NAV2: variants seen among roughly 807,000 people sequenced by gnomAD.
NAV2 encodes helicase, APC down-regulated 1.
A neutral mutation model predicts 223.2 loss-of-function variants in NAV2; 54 were observed. The ratio of observed to expected loss-of-function variants is 0.24; its 90% CI spans 0.19 to 0.30. The LOEUF is 0.30. NAV2 is among the 10% of genes least tolerant of loss of function. The pLI is 1.00. For synonymous variants in NAV2, 1,279 were observed against 1,239.3 expected (o/e 1.03, Z -0.67); for missense variants, 2,806 against 3,147.5 (o/e 0.89, Z 2.60).
At chr11:19,865,693 G>T (rs1426779238) in intron 3 of NAV2, among the ~76,000 whole-genome samples, 2 of 152,238 alleles carry the variant, frequency 1.3e-5, no homozygotes, top group African/African-American at 2.4e-5. Flanking sequence ...ACTTACGAAT[G>T]ATCTTTTAAA....
At chr11:19,410,825 C>T (rs1156658902) in intron 1 of NAV2, among the ~76,000 whole-genome samples, 2 of 152,182 alleles carry the variant, frequency 1.3e-5, no homozygotes, top group African/African-American at 2.4e-5. Flanking sequence ...ATTCTCAAGG[C>T]TCAGCTTGGG....
intron 1 of NAV2, among the ~76,000 whole-genome samples, chr11:19,683,464 T>C (rs1429466902): frequency 6.6e-6 from 1 of 152,230 alleles, no homozygotes; most frequent in Non-Finnish European, 1.5e-5. Flanking sequence ...GATAAAAACA[T>C]ATTGTACTGA....
chr11:20,079,299 C>T (rs10833238), intron 24 of NAV2, among the ~76,000 whole-genome samples: 131,111 of 152,184 alleles, frequency 0.86, 56,582 homozygotes, highest in East Asian at 0.95. Flanking sequence ...CTTTGGCTTC[C>T]TAAAGTGCTG....
chr11:19,446,417 A>C (rs1851584128), intron 1 of NAV2, among the ~76,000 whole-genome samples: 1 of 152,060 alleles, frequency 6.6e-6, no homozygotes, highest in Non-Finnish European at 1.5e-5. Context: ...ACATTAACCA[A>C]GGCTCAGCCG....
At chr11:19,935,851 G>GTTTTTTTTTTTTGTTTTTTTTTTTTT (rs1555156775) in intron 7 of NAV2, among the ~76,000 whole-genome samples, 2 of 52,702 alleles carry the variant, frequency 3.8e-5, no homozygotes, top group Non-Finnish European at 6.8e-5. Flanking sequence ...TTTTGTTTCT[G>GTTTTTTTTTTTTGTTTTTTTTTTTTT]TTTTTTTTTT....
chr11:19,661,106 C>T (rs2048269312), intron 1 of NAV2, among the ~76,000 whole-genome samples: 1 of 152,140 alleles, frequency 6.6e-6, no homozygotes, highest in Non-Finnish European at 1.5e-5. Context: ...TACCCTGTCG[C>T]CCCAGCTCCC....
chr11:19,875,391 T>G (rs2062775787), intron 4 of NAV2, among the ~76,000 whole-genome samples: 1 of 152,182 alleles, frequency 6.6e-6, no homozygotes, highest in South Asian at 2.1e-4. Context: ...GTGTTGAATA[T>G]TATATGTAAT....
intron 1 of NAV2, among the ~76,000 whole-genome samples, chr11:19,451,040 A>G (rs754443): frequency 0.28 from 42,117 of 151,990 alleles, 6,092 homozygotes; most frequent in East Asian, 0.53. Flanking sequence ...ATCACCACCC[A>G]GTAGGGACTT....
chr11:20,010,082 C>T (rs2053441083), intron 11 of NAV2, among the ~76,000 whole-genome samples: 1 of 152,168 alleles, frequency 6.6e-6, no homozygotes, highest in Admixed American at 6.5e-5. Context: ...GAGGAAACTG[C>T]TCAGACAGGT....
chr11:19,368,182 A>G (rs1296939024), intron 1 of NAV2, among the ~76,000 whole-genome samples: 1 of 152,154 alleles, frequency 6.6e-6, no homozygotes, highest in Non-Finnish European at 1.5e-5. Flanking sequence ...CTTCATATTC[A>G]TGCACCCTCA....
chr11:19,870,834 G>A (rs1348096857), intron 4 of NAV2, among the ~76,000 whole-genome samples: 5 of 152,168 alleles, frequency 3.3e-5, no homozygotes, highest in East Asian at 3.8e-4. Flanking sequence ...CCAGTTCTGT[G>A]TGATTTCAGA....
chr11:19,707,352 C>T (rs1433189407), intron 1 of NAV2, among the ~76,000 whole-genome samples: 2 of 152,154 alleles, frequency 1.3e-5, no homozygotes, highest in African/African-American at 4.8e-5. Flanking sequence ...TACAGCTATA[C>T]AAAAATATTT....
chr11:19,583,660 GT>G (rs2045796098), intron 1 of NAV2, among the ~76,000 whole-genome samples: 1 of 152,190 alleles, frequency 6.6e-6, no homozygotes, highest in Admixed American at 6.5e-5. Flanking sequence ...CGTTGGTTCT[GT>G]TTATATGCTG....
At position 19,956,381 on chromosome 11, in the gene NAV2, C is replaced by CACACACACACACAT. The variant is rs1555168361; in HGVS notation, c.2645+7314_2645+7315insTACACACACACACA. On this transcript the variant is annotated intron_variant, in intron 10 of 37. Transcript: ENST00000349880. ...CGACACACATACACACACACACACACACACACACACACACGCTCTCTCTCT... is the reference window on the plus strand; with the variant it reads ...CGACACACATACACACACACACACACACACACACACACATACACACACACACACGCTCTCTCTCT... Among the ~76,000 whole-genome samples, 961 of 148,458 alleles carry CACACACACACACAT rather than the reference C, an allele frequency of 6.5e-3. 10 individuals carry two copies. The highest frequency in any genetic ancestry group is 0.021 in the South Asian group (98 of 4,620).
intron 1 of NAV2, among the ~76,000 whole-genome samples, chr11:19,700,382 C>T (rs1328934260): frequency 6.6e-6 from 1 of 152,194 alleles, no homozygotes; most frequent in Non-Finnish European, 1.5e-5. Context: ...AACCAGTAAG[C>T]TCCACTGCCT....
chr11:20,091,491 C>T (rs2060848363), intron 27 of NAV2, among the ~76,000 whole-genome samples: 1 of 152,216 alleles, frequency 6.6e-6, no homozygotes, highest in Non-Finnish European at 1.5e-5. Flanking sequence ...GGCCTGATTC[C>T]TTTCCAAGTC....
intron 1 of NAV2, among the ~76,000 whole-genome samples, chr11:19,448,797 C>T (rs1207841073): frequency 1.3e-5 from 2 of 152,136 alleles, no homozygotes; most frequent in Admixed American, 1.3e-4. Flanking sequence ...CATCCGTTTT[C>T]TCTTTTGTTC....
chr11:19,589,454 G>T (rs1476762374), intron 1 of NAV2, among the ~76,000 whole-genome samples: 1 of 152,202 alleles, frequency 6.6e-6, no homozygotes, highest in African/African-American at 2.4e-5. Context: ...TGCCTTGGAA[G>T]GGAGGTCAGG....
intron 1 of NAV2, among the ~76,000 whole-genome samples, chr11:19,449,136 C>T (rs1851695149): frequency 6.6e-6 from 1 of 152,168 alleles, no homozygotes; most frequent in Admixed American, 6.5e-5. Flanking sequence ...GCTCCTGGTT[C>T]TGTTAAGCCA....
Sources: allele counts gnomAD v4.1 joint callset (sites outside exome capture counted in the v4.1 genomes callset), GRCh38; gene constraint gnomAD v4.1.1; transcripts MANE v1.5; gene names NCBI Gene and HGNC (gene_info 2026-07-23, HGNC 2026-07-21).